The following MAGIX variants were observed in gnomAD, a reference collection of about 807,000 sequenced individuals.
The protein encoded by MAGIX is MAGI family member, X-linked.
A neutral mutation model predicts 10.0 loss-of-function variants in MAGIX; 13 were observed. The observed-to-expected ratio is 1.30, with a 90% CI of 0.84 to 2.06. The LOEUF is 2.06. Ranked by LOEUF, MAGIX falls within the 30% of genes most tolerant of loss-of-function variation. The pLI, the probability that MAGIX is intolerant of heterozygous loss-of-function variation, is 0.00. For synonymous variants in MAGIX, 108 were observed against 106.8 expected, an observed-to-expected ratio of 1.01 and a Z score of -0.07; for missense variants, 235 against 245.2, an observed-to-expected ratio of 0.96 and a Z score of 0.28.
At chrX:49,165,551 G>T in intron 4 of MAGIX, 190 bp downstream of exon 5, 1 of 414,237 alleles carries the variant, frequency 2.4e-6, no homozygotes, top group East Asian at 4.0e-5. Context: ...TAACGTAGGG[G>T]CAGGGAGGGG....
chrX:49,167,129 C>A (rs1249629951), exon 5 of MAGIX: 1 of 114,086 alleles, frequency 8.8e-6, no homozygotes, highest in African/African-American at 3.2e-5. Flanking sequence ...CTGGAGCCCC[C>A]TTTGGGGCGG....
At chrX:49,165,069 A>G (rs782425121) in exon 3 of MAGIX, 12 of 1,205,924 alleles carry the variant, frequency 1.0e-5, no homozygotes, top group Non-Finnish European at 1.3e-5. Context: ...ATGGCCCAGC[A>G]CAGCGCTGTG....
exon 5 of MAGIX, chrX:49,167,420 C>T (rs2065375241): frequency 8.8e-6 from 1 of 113,551 alleles, no homozygotes; most frequent in African/African-American, 3.2e-5. Context: ...GTCACCTCCG[C>T]TGTCACCACA....
chrX:49,165,464 T>G, intron 4 of MAGIX, 103 bp downstream of exon 5: 7 of 797,711 alleles, frequency 8.8e-6, no homozygotes, highest in South Asian at 2.8e-5. Flanking sequence ...TGGTGGTCTC[T>G]GTGGGGAGGG....
At chrX:49,163,975 G>A (rs1187656924) in intron 2 of MAGIX, 46 bp downstream of exon 2, 1 of 992,339 alleles carries the variant, frequency 1.0e-6, no homozygotes, top group Non-Finnish European at 1.3e-6. Flanking sequence ...GTTCGGAGAG[G>A]AGTTGGGTTC....
At chrX:49,166,434 C>A (rs1202040589) in exon 5 of MAGIX, 3 of 1,064,313 alleles carry the variant, frequency 2.8e-6, no homozygotes, top group Non-Finnish European at 3.7e-6. Flanking sequence ...CACTAGTTAC[C>A]GCCCAACCTG....
exon 5 of MAGIX, chrX:49,167,143 G>T (rs1301065451): frequency 8.8e-6 from 1 of 114,095 alleles, no homozygotes; most frequent in African/African-American, 3.2e-5. Context: ...GGGGCGGAGT[G>T]GGGAAGGTGT....
rs782652439 is a variant in MAGIX, at chrX:49,164,810, C to A, written c.50C>A (p.Ser17Ter). The A allele has an allele frequency of 8.3e-7, 1 of 1,207,655 alleles. No homozygotes were observed. Among genetic ancestry groups the A allele is most frequent in the African/African-American group, 1.7e-5 (1 of 57,386 alleles). ...CCCAGGTACCATCTCATCCTTCTAT[C>A]GGAGGCCTCCTGCCTCAGGGCAAAC... is the stretch of plus-strand genomic sequence containing the variant. Residue 17 changes from serine to a stop codon, truncating the protein, a stop_gained, in exon 3 of 5, where the codon TCG (serine) becomes TAG (stop). Transcript: ENST00000616266. LOFTEE classifies it high-confidence loss of function.
chrX:49,165,012 G>T (rs782723602), exon 3 of MAGIX: 62 of 1,210,161 alleles, frequency 5.1e-5, no homozygotes, highest in Non-Finnish European at 6.3e-5. Flanking sequence ...GTGGGGGCCG[G>T]GATGTAGCTG....
intron 1 of MAGIX, chrX:49,163,308 A>G (rs1602583344): frequency 1.2e-5 from 1 of 82,168 alleles, no homozygotes; most frequent in African/African-American, 6.6e-5. Flanking sequence ...GGGACTCTGG[A>G]GGTATGTGGG....
At position 49,164,941 on chromosome X, in the gene MAGIX, G is replaced by C. The variant is rs913265520; in HGVS notation, c.181G>C (p.Ala61Pro). ...ACGTAGTGCTCCGAAGCCATCCCAG[G>C]CCTCTGGTCATTTCTCTGTGGAGCT... The change falls in exon 3 of 5, where the codon GCC (alanine) becomes CCC (proline). Residue 61 changes from alanine (A) to proline (P), a missense_variant. Physicochemically the swap from Ala to Pro is conservative, Grantham distance 27. Transcript: ENST00000616266. 2.5e-6 allele frequency: 3 copies of C among 1,211,187 alleles called. No individual in the cohort carries two copies. In the African/African-American group the frequency reaches 5.2e-5, roughly 21 times the overall value.
chrX:49,164,042 G>C (rs1557096960), intron 2 of MAGIX, 113 bp downstream of exon 2: 2 of 754,105 alleles, frequency 2.7e-6, no homozygotes, highest in East Asian at 9.0e-5. Flanking sequence ...GGGGCCAAGG[G>C]GCGCGACTTG....
At chrX:49,163,962 A>G in intron 2 of MAGIX, 33 bp downstream of exon 2, 1 of 992,604 alleles carries the variant, frequency 1.0e-6, no homozygotes, top group Non-Finnish European at 1.3e-6. Flanking sequence ...CCGCTGGGGG[A>G]GGGTTCGGAG....
Position 49,164,775 on chromosome X carries a change from G to A in MAGIX, c.15G>A (p.Trp5Ter). 8.3e-7 allele frequency: 1 copy of A among 1,211,837 alleles called. No individual in the cohort carries two copies. The highest frequency in any genetic ancestry group is 1.8e-5 in the South Asian group (1 of 57,039). Residue 5 changes from tryptophan (W) to a stop codon, truncating the protein, a stop_gained, in exon 3 of 5, where the codon TGG becomes TGA. Coordinates refer to ENST00000616266, the Ensembl canonical transcript of MAGIX. LOFTEE classifies it high-confidence loss of function. Reference sequence around the variant, plus strand: ...TCGCCTGCCTCATGCCACTATTGTGGATCACCGGCCCCAGGTACCATCTCA... The same window carrying A: ...TCGCCTGCCTCATGCCACTATTGTGAATCACCGGCCCCAGGTACCATCTCA...
exon 3 of MAGIX, chrX:49,165,007 G>C (rs377038636): frequency 3.3e-6 from 4 of 1,211,529 alleles, no homozygotes; most frequent in Non-Finnish European, 4.5e-6. Flanking sequence ...CTTAGGTGGG[G>C]GCCGGGATGT....
Position 49,166,570 on chromosome X carries a change from T to A in MAGIX, c.*171T>A, listed in dbSNP as rs139988895. The A allele has an allele frequency of 2.3e-3, 986 of 431,045 alleles. 8 individuals carry two copies. The highest frequency in any genetic ancestry group is 0.023 in the African/African-American group (910 of 40,378). The allele number at this position is 431,045 out of a possible 1,213,427, so 35.5% of individuals were successfully genotyped here. ...CTCGCAGCGTCAGTGGTACGACCCT[T>A]CCAGCCGGCTAGCCTGCGCTTCTGG... is the stretch of plus-strand genomic sequence containing the variant. On this transcript the variant is annotated 3_prime_UTR_variant, in exon 5 of 5. Transcript: ENST00000616266.
At chrX:49,166,702 G>A in exon 5 of MAGIX, 1 of 261,100 alleles carries the variant, frequency 3.8e-6, no homozygotes, top group Non-Finnish European at 6.8e-6. Flanking sequence ...CAGGTGGGTC[G>A]ATCCTGCTTG....
At chrX:49,165,058 G>T (rs1169355411) in exon 3 of MAGIX, 3 of 1,208,168 alleles carry the variant, frequency 2.5e-6, no homozygotes, top group Non-Finnish European at 3.4e-6. Context: ...GCTGCTGAAG[G>T]ATGGCCCAGC....
At chrX:49,166,495 A>G in exon 5 of MAGIX, 1 of 769,135 alleles carries the variant, frequency 1.3e-6, no homozygotes, top group Non-Finnish European at 1.8e-6. Context: ...AAGAGCTTCC[A>G]CTTGGTTTGG....
Sources: allele counts gnomAD v4.1 joint callset, GRCh38; gene constraint gnomAD v4.1.1; transcripts MANE v1.5; gene names NCBI Gene and HGNC (gene_info 2026-07-23, HGNC 2026-07-21).